MCTP1: variants seen among roughly 807,000 people sequenced by gnomAD.
MCTP1 encodes the protein multiple C2 and transmembrane domain-containing protein 1.
MCTP1 carries 69 observed loss-of-function variants against 120.6 expected under a neutral mutation model. The ratio of observed to expected loss-of-function variants is 0.57; its 90% confidence interval spans 0.47 to 0.70. MCTP1 has a LOEUF of 0.70. Among genes scored for constraint, MCTP1 ranks in the 30% least tolerant of loss-of-function variants. The pLI, the probability that MCTP1 is intolerant of heterozygous loss-of-function variation, is 0.00. For synonymous variants in MCTP1, 529 were observed against 493.1 expected (o/e 1.07, Z -0.96); for missense variants, 1,203 against 1,248.8 (o/e 0.96, Z 0.55).
intron 1 of MCTP1, among the ~76,000 whole-genome samples, chr5:95,195,300 G>A (rs993285100): frequency 2.0e-5 from 3 of 152,154 alleles, no homozygotes; most frequent in African/African-American, 7.2e-5. Flanking sequence ...CGCCATATCT[G>A]CTTTCTATTT....
At chr5:94,912,428 CAAAAAAAAAAAAAAAAAAAA>C (rs564439495) in intron 9 of MCTP1, among the ~76,000 whole-genome samples, 8 of 31,450 alleles carry the variant, frequency 2.5e-4, no homozygotes, top group East Asian at 2.0e-3. Flanking sequence ...GAGACTCCAT[CAAAAAAAAAAAAAAAAAAAA>C]AAAAAAAAAA....
intron 17 of MCTP1, chr5:94,826,100 C>T (rs991014252): frequency 1.6e-5 from 5 of 308,696 alleles, no homozygotes; most frequent in Non-Finnish European, 3.2e-5. Context: ...TTCTGTGAAG[C>T]ATTTTCCAAC....
At chr5:94,715,906 CAT>C (rs1399987638) in intron 19 of MCTP1, among the ~76,000 whole-genome samples, 4 of 152,232 alleles carry the variant, frequency 2.6e-5, no homozygotes, top group Non-Finnish European at 5.9e-5. Flanking sequence ...CTTGAGACCT[CAT>C]GTGGCAGTCA....
chr5:95,166,488 C>CG (rs1417048343), intron 1 of MCTP1, among the ~76,000 whole-genome samples: 1 of 151,922 alleles, frequency 6.6e-6, no homozygotes, highest in African/African-American at 2.4e-5. Flanking sequence ...CTCCATAATT[C>CG]ATATTACTTT....
At chr5:94,730,148 G>C (rs1440713506) in intron 19 of MCTP1, among the ~76,000 whole-genome samples, 1 of 152,080 alleles carries the variant, frequency 6.6e-6, no homozygotes, top group East Asian at 1.9e-4. Flanking sequence ...TGTTTGGCTT[G>C]AGCAACTGGG....
At chr5:95,245,087 T>A (rs1361408619) in intron 1 of MCTP1, among the ~76,000 whole-genome samples, 1 of 151,616 alleles carries the variant, frequency 6.6e-6, no homozygotes, top group African/African-American at 2.4e-5. Context: ...AGCTGAGGGG[T>A]CTGTTAGAAG....
chr5:94,793,078 T>C (rs918514601), intron 18 of MCTP1, among the ~76,000 whole-genome samples: 1 of 152,102 alleles, frequency 6.6e-6, no homozygotes, highest in African/African-American at 2.4e-5. Context: ...TGAGGGAAAT[T>C]TGCAAAGTGG....
At chr5:94,768,211 A>T (rs988732310) in intron 19 of MCTP1, among the ~76,000 whole-genome samples, 1 of 152,186 alleles carries the variant, frequency 6.6e-6, no homozygotes, top group African/African-American at 2.4e-5. Context: ...ATGCAGAAGA[A>T]TAAAACTAGA....
intron 17 of MCTP1, among the ~76,000 whole-genome samples, chr5:94,835,627 C>T (rs115356520): frequency 0.018 from 2,768 of 152,230 alleles, 87 homozygotes; most frequent in African/African-American, 0.064. Context: ...GTGCTATATC[C>T]CCATGACTTC....
intron 2 of MCTP1, among the ~76,000 whole-genome samples, chr5:94,985,784 A>C (rs1382170170): frequency 1.3e-5 from 2 of 152,204 alleles, no homozygotes; most frequent in African/African-American, 4.8e-5. Flanking sequence ...CATTCTGCAG[A>C]GCTCACAGTG....
At chr5:94,901,504 G>A (rs1368956265) in intron 10 of MCTP1, among the ~76,000 whole-genome samples, 4 of 151,994 alleles carry the variant, frequency 2.6e-5, no homozygotes, top group Non-Finnish European at 5.9e-5. Flanking sequence ...CCCACTGTCT[G>A]GGATGGTACC....
chr5:95,199,990 G>C (rs181260868), intron 1 of MCTP1, among the ~76,000 whole-genome samples: 1 of 151,844 alleles, frequency 6.6e-6, no homozygotes, highest in Admixed American at 6.6e-5. Flanking sequence ...GTGAAACCTC[G>C]TCTCTACTAA....
chr5:95,050,838 C>T (rs1745717199), intron 1 of MCTP1, among the ~76,000 whole-genome samples: 1 of 152,062 alleles, frequency 6.6e-6, no homozygotes, highest in East Asian at 1.9e-4. Flanking sequence ...AAGATGAGGT[C>T]ATCCTAGGGT....
chr5:95,073,380 G>A (rs1361836740), intron 1 of MCTP1, among the ~76,000 whole-genome samples: 2 of 152,178 alleles, frequency 1.3e-5, no homozygotes, highest in Admixed American at 6.5e-5. Flanking sequence ...TTAAGACTAA[G>A]GGTACCCATT....
chr5:94,892,426 G>A (rs895272211), intron 11 of MCTP1, among the ~76,000 whole-genome samples: 3 of 152,064 alleles, frequency 2.0e-5, no homozygotes, highest in Admixed American at 6.6e-5. Flanking sequence ...CAGCATACCC[G>A]TTCTGAAAAG....
chr5:95,125,070 T>G (rs1420139084), intron 1 of MCTP1, among the ~76,000 whole-genome samples: 2 of 152,182 alleles, frequency 1.3e-5, no homozygotes, highest in Admixed American at 1.3e-4. Context: ...GGGTCAAGGA[T>G]TTTTCAACAC....
intron 1 of MCTP1, among the ~76,000 whole-genome samples, chr5:95,166,895 C>T (rs879423643): frequency 2.6e-5 from 4 of 151,036 alleles, no homozygotes; most frequent in African/African-American, 9.7e-5. Context: ...AACATTTTTC[C>T]ATGTGTCTTT....
intron 1 of MCTP1, among the ~76,000 whole-genome samples, chr5:95,122,097 T>C (rs1278680178): frequency 1.3e-5 from 2 of 152,024 alleles, no homozygotes; most frequent in African/African-American, 2.4e-5. Flanking sequence ...GCAAAGATCG[T>C]TTGAGTAATA....
intron 17 of MCTP1, among the ~76,000 whole-genome samples, chr5:94,839,196 C>T (rs952547278): frequency 6.6e-6 from 1 of 152,120 alleles, no homozygotes; most frequent in Non-Finnish European, 1.5e-5. Flanking sequence ...TCGAAATTCA[C>T]CTTCAGAAAC....
Sources: allele counts gnomAD v4.1 joint callset (sites outside exome capture counted in the v4.1 genomes callset), GRCh38; gene constraint gnomAD v4.1.1; transcripts MANE v1.5; gene names NCBI Gene and HGNC (gene_info 2026-07-23, HGNC 2026-07-21).